AKT1S1: variants seen among roughly 807,000 people sequenced by gnomAD.
AKT1S1 encodes the protein AKT1 substrate 1, also known as proline-rich AKT1 substrate 1.
A neutral mutation model predicts 21.2 loss-of-function variants in AKT1S1; 17 were observed. That is an observed-to-expected ratio of 0.80 (90% CI 0.55 to 1.20). The LOEUF (loss-of-function observed/expected upper bound fraction) is 1.20. Among genes scored for constraint, AKT1S1 ranks in the 50% most tolerant of loss-of-function variants. AKT1S1 has a pLI of 0.00. For synonymous variants in AKT1S1, 181 were observed against 165.6 expected, an observed-to-expected ratio of 1.09 and a Z score of -0.72; for missense variants, 366 against 368.3, an observed-to-expected ratio of 0.99 and a Z score of 0.05.
upstream of AKT1S1, chr19:49,877,574 C>A: frequency 1.3e-6 from 1 of 750,640 alleles, no homozygotes; most frequent in Non-Finnish European, 2.1e-6. Flanking sequence ...GAATAACCCC[C>A]TTCTGAAAAA....
At position 49,876,109 on chromosome 19, in the gene AKT1S1, C is replaced by A. The variant is rs539529208; in HGVS notation, c.-8+1128G>T. 4 of 988,388 alleles carry A rather than the reference C, an allele frequency of 4.0e-6. No homozygotes were observed. The African/African-American group carries it at 7.0e-5, about 17-fold the overall frequency. 61.2% of individuals were successfully genotyped at this position (988,388 alleles called of 1,614,324 possible). A position where few individuals can be genotyped will look rare whatever the true frequency, so the allele number is the denominator to read the frequency against. On this transcript the variant is annotated intron_variant, in intron 1 of 4. Transcript: ENST00000344175. ...CTCCTGTCGAAATTTTAGTACCCCACACCCCAAGATGTGAGGAACCTGAGC... is the reference window on the plus strand; with the variant it reads ...CTCCTGTCGAAATTTTAGTACCCCAAACCCCAAGATGTGAGGAACCTGAGC...
At chr19:49,877,516 T>C (rs1425693868), upstream of AKT1S1, 21 of 560,464 alleles carry the variant, frequency 3.7e-5, no homozygotes, top group Admixed American at 7.1e-4. Flanking sequence ...CGGATCCACC[T>C]TCAGCGTCTG....
Position 49,870,016 on chromosome 19 carries a change from C to G in AKT1S1, c.672G>C (p.Ala224=), listed in dbSNP as rs1238274819. The G allele has an allele frequency of 1.0e-5, 16 of 1,549,424 alleles. No homozygotes were observed. Among genetic ancestry groups the G allele is most frequent in the Non-Finnish European group, 1.3e-5 (15 of 1,144,772 alleles). ...DLDRIAASMR[A]LVLREAEDTQ... Reference sequence around the variant, plus strand: ...TGTCCTCGGCCTCTCGCAGCACCAGCGCGCGCATGCTCGCCGCGATGCGGT... The same window carrying G: ...TGTCCTCGGCCTCTCGCAGCACCAGGGCGCGCATGCTCGCCGCGATGCGGT... Residue 224 remains alanine, a synonymous_variant, in exon 5 of 5, where the codon GCG becomes GCC. Transcript: ENST00000344175.
chr19:49,876,228 G>A (rs939682196), intron 1 of AKT1S1: 5 of 1,062,938 alleles, frequency 4.7e-6, no homozygotes, highest in South Asian at 4.4e-5. Context: ...GGACCCACTG[G>A]TCTAGGAAGA....
At position 49,869,897 on chromosome 19, in the gene AKT1S1, G is replaced by A. The variant is rs1262623232; in HGVS notation, c.*20C>T. ...TGTGGGACGGGGCGGACGCGGCCCGGGGCGCTCCCTCCCTGGACTTCAATA... is the reference window on the plus strand; with the variant it reads ...TGTGGGACGGGGCGGACGCGGCCCGAGGCGCTCCCTCCCTGGACTTCAATA... On this transcript the variant is annotated 3_prime_UTR_variant, in exon 5 of 5. Coordinates refer to ENST00000344175, the MANE Select transcript of AKT1S1 (RefSeq NM_001098633.4). 6.8e-7 allele frequency: 1 copy of A among 1,470,594 alleles called. No homozygotes were observed. The highest frequency in any genetic ancestry group is 9.1e-7 in the Non-Finnish European group (1 of 1,097,078). The allele number at this position is 1,470,594 out of a possible 1,614,324, so 91.1% of individuals were successfully genotyped here. A position where few individuals can be genotyped will look rare whatever the true frequency, so the allele number is the denominator to read the frequency against.
At position 49,873,667 on chromosome 19, in the gene AKT1S1, A is replaced by C; in HGVS notation, c.-7-365T>G. 1.9e-5 allele frequency: 4 copies of C among 206,974 alleles called. No homozygotes were observed. Among genetic ancestry groups the C allele is most frequent in the Non-Finnish European group, 9.6e-6 (1 of 104,320 alleles). 12.8% of individuals were successfully genotyped at this position (206,974 alleles called of 1,614,324 possible). On this transcript the variant is annotated intron_variant, in intron 1 of 4. Coordinates refer to ENST00000344175, the MANE Select transcript of AKT1S1 (RefSeq NM_001098633.4). The surrounding 1 kb of genome is among the most constrained non-coding windows in gnomAD (Gnocchi z 6.9). ...TAGCAGAGAGGCCTCTAACAATAAA[A>C]CCTGCACTGGGTTCTGAAGACTGAG...
At chr19:49,874,510 C>T (rs543827996) in intron 1 of AKT1S1, 108 of 152,408 alleles carry the variant, frequency 7.1e-4, no homozygotes, top group African/African-American at 2.4e-3. Context: ...CAGCTGTAAC[C>T]TGGCTGCCTC....
In AKT1S1 at chr19:49,870,327, C is replaced by G. The variant is rs141335878; in HGVS notation, c.628-267G>C. Among the ~76,000 whole-genome samples, 14 of 152,346 alleles carry G rather than the reference C, an allele frequency of 9.2e-5. No homozygotes were observed. The East Asian group carries it at 2.7e-3, about 29-fold the overall frequency. ...TTGGCCTAGGACATTGCTTCCTACACAGTGGAAGTGCTGTTGCCTGCTAGC... is the reference window on the plus strand; with the variant it reads ...TTGGCCTAGGACATTGCTTCCTACAGAGTGGAAGTGCTGTTGCCTGCTAGC... On this transcript the variant is annotated intron_variant, in intron 4 of 4. Coordinates refer to ENST00000344175, the MANE Select transcript of AKT1S1 (RefSeq NM_001098633.4).
upstream of AKT1S1, chr19:49,878,015 G>C: frequency 1.2e-6 from 1 of 823,334 alleles, no homozygotes; most frequent in Non-Finnish European, 1.9e-6. Context: ...TCCCCGCCTT[G>C]GTCCCGGGGC....
intron 1 of AKT1S1, chr19:49,876,479 C>T: frequency 8.2e-7 from 1 of 1,219,878 alleles, no homozygotes; most frequent in Middle Eastern, 2.2e-4. Context: ...CGCTGGCAGA[C>T]CTCTGCCCTC....
rs559830442 is a variant in AKT1S1, at chr19:49,871,143, A to G, written c.627+404T>C. ...AGAGCCCAGCCCAGGAGCTTCAAAC[A>G]GGGGTTGCTACAAGGGGTGAACAGG... is the stretch of plus-strand genomic sequence containing the variant. On this transcript the variant is annotated intron_variant, in intron 4 of 4. Transcript: ENST00000344175. Among the ~76,000 whole-genome samples, 16 of 152,252 alleles carry G rather than the reference A, an allele frequency of 1.1e-4. 1 individual carries two copies. In the South Asian group the frequency reaches 3.3e-3, roughly 32 times the overall value.
At chr19:49,876,627 C>A (rs1239149623) in intron 1 of AKT1S1, 20 of 1,531,432 alleles carry the variant, frequency 1.3e-5, no homozygotes, top group African/African-American at 1.4e-5. Flanking sequence ...CATGGCCGGC[C>A]CGGCGCCGTC....
At chr19:49,875,231 C>G (rs1424481205) in intron 1 of AKT1S1, 4 of 152,224 alleles carry the variant, frequency 2.6e-5, no homozygotes, top group Non-Finnish European at 5.9e-5. Flanking sequence ...GGGGCCTGTT[C>G]TAAATCCTGA....
In AKT1S1 at chr19:49,872,914, C is replaced by G; in HGVS notation, c.379+3G>C. The G allele has an allele frequency of 6.3e-7, 1 of 1,596,452 alleles. No individual in the cohort carries two copies. The highest frequency in any genetic ancestry group is 8.5e-7 in the Non-Finnish European group (1 of 1,176,878). ...GCACCCGCCCCTGCCCCCACCCTCT[C>G]ACCTCCATTATCACTAATGCCCAGC... On this transcript the variant is annotated splice_donor_region_variant and intron_variant, in intron 2 of 4. Coordinates refer to ENST00000344175, the MANE Select transcript of AKT1S1 (RefSeq NM_001098633.4).
intron 4 of AKT1S1, 24 bp from the exon 5 acceptor site, chr19:49,870,084 G>C (rs771651006): frequency 2.0e-6 from 3 of 1,495,246 alleles, no homozygotes; most frequent in African/African-American, 2.9e-5. Context: ...GACGGGGCGA[G>C]GTCAGCGCCG....
At chr19:49,870,351 G>A (rs2074871036) in intron 4 of AKT1S1, among the ~76,000 whole-genome samples, 1 of 152,352 alleles carries the variant, frequency 6.6e-6, no homozygotes, top group Non-Finnish European at 1.5e-5. Context: ...TTGCCTGCTA[G>A]CCATTAAGGC....
chr19:49,875,707 G>T (rs1425664509), intron 1 of AKT1S1, among the ~76,000 whole-genome samples: 17 of 152,176 alleles, frequency 1.1e-4, no homozygotes, highest in Non-Finnish European at 2.2e-4. Flanking sequence ...GAGTAGCCAC[G>T]GGATTAAAGA....
chr19:49,874,179 G>A (rs1186617259), intron 1 of AKT1S1: 2 of 152,356 alleles, frequency 1.3e-5, no homozygotes, highest in African/African-American at 4.8e-5. Context: ...ACTCATCCTA[G>A]GGTGGAAGAA....
chr19:49,877,714 G>A (rs1555814226), upstream of AKT1S1: 1 of 1,600,566 alleles, frequency 6.2e-7, no homozygotes, highest in South Asian at 1.1e-5. Context: ...TGGGGCCTTC[G>A]GCGGCGACTA....
Sources: gnomAD v4.1 joint callset for allele counts (sites outside exome capture counted in the v4.1 genomes callset) on GRCh38, gnomAD v4.1.1 for gene constraint, Gnocchi (gnomAD v3.1) non-coding constraint, MANE v1.5 for transcripts, NCBI Gene and HGNC (gene_info 2026-07-23, HGNC 2026-07-21) for gene names.